The following HHIP variants were observed in gnomAD, a reference collection of about 807,000 sequenced individuals.
HHIP encodes hedgehog interacting protein, also known as hedgehog-interacting protein.
Under a neutral mutation model 74.0 loss-of-function variants are expected in HHIP, and 12 were observed. That is an observed-to-expected ratio of 0.16 (90% CI 0.10 to 0.26). The LOEUF (loss-of-function observed/expected upper bound fraction) is 0.26. HHIP is among the 10% of genes least tolerant of loss of function. The pLI is 1.00. For missense variants in HHIP, 788 were observed against 845.0 expected, an observed-to-expected ratio of 0.93 and a Z score of 0.84; for synonymous variants, 309 against 311.6, an observed-to-expected ratio of 0.99 and a Z score of 0.09.
At chr4:144,710,378 G>T (rs1428794129) in intron 7 of HHIP, among the ~76,000 whole-genome samples, 2 of 152,166 alleles carry the variant, frequency 1.3e-5, no homozygotes, top group African/African-American at 4.8e-5. Context: ...TAAAGGGACT[G>T]TTGCCACAGA....
chr4:144,671,040 C>T (rs533669679), intron 4 of HHIP, among the ~76,000 whole-genome samples: 6 of 152,144 alleles, frequency 3.9e-5, no homozygotes, highest in East Asian at 1.9e-4. Flanking sequence ...GCCTGTGACC[C>T]GAGGTTGAAA....
chr4:144,699,128 A>G (rs750571068), intron 4 of HHIP, among the ~76,000 whole-genome samples: 23 of 152,172 alleles, frequency 1.5e-4, no homozygotes, highest in Non-Finnish European at 5.9e-5. Context: ...GCTCAGCCCC[A>G]TAAGACTGCT....
At chr4:144,717,267 AT>A (rs1164332469) in intron 10 of HHIP, among the ~76,000 whole-genome samples, 3 of 152,166 alleles carry the variant, frequency 2.0e-5, no homozygotes, top group African/African-American at 7.2e-5. Context: ...TTTGCATATT[AT>A]TTTTTTAACT....
chr4:144,731,197 A>G lies in HHIP; in HGVS notation c.1761-3544A>G, dbSNP rs928812356. ...GCCCATATTTTCCTAATATCTTTAC[A>G]CAACAACATAGAAGGGGCACAAACA... On this transcript the variant is annotated intron_variant, in intron 11 of 12. Transcript: ENST00000296575. Among the ~76,000 whole-genome samples, 3 of 152,264 alleles carry G rather than the reference A, an allele frequency of 2.0e-5. No individual in the cohort carries two copies. The East Asian group carries it at 5.8e-4, about 29-fold the overall frequency.
chr4:144,740,203 A>T lies in HHIP; in HGVS notation c.*2246A>T, dbSNP rs1268129819. 1.3e-5 allele frequency: 2 copies of T among 152,210 alleles called. No homozygotes were observed. Among genetic ancestry groups the T allele is most frequent in the Non-Finnish European group, 2.9e-5 (2 of 68,030 alleles). The allele number at this position is 152,210 out of a possible 1,614,324, so 9.4% of individuals were successfully genotyped here. ...GCTATATATTCAGTAAAATCTAAAA[A>T]AATCAAGCATTACTTCTTACATCTT... On this transcript the variant is annotated 3_prime_UTR_variant, in exon 13 of 13. Transcript: ENST00000296575.
rs932675918 is a variant in HHIP, at chr4:144,738,911, C to T, written c.*954C>T. The T allele has an allele frequency of 1.9e-5, 3 of 154,500 alleles. No individual in the cohort carries two copies. Among genetic ancestry groups the T allele is most frequent in the South Asian group, 2.1e-4 (1 of 4,852 alleles). 9.6% of individuals were successfully genotyped at this position (154,500 alleles called of 1,614,324 possible). A position where few individuals can be genotyped will look rare whatever the true frequency, so the allele number is the denominator to read the frequency against. On this transcript the variant is annotated 3_prime_UTR_variant, in exon 13 of 13. Coordinates refer to ENST00000296575, the MANE Select transcript of HHIP (RefSeq NM_022475.3). ...ATGAAAAAGCAAGAAAACAGCCAAT[C>T]CTTATAAAATTCCAGCATTAAACAT... is the stretch of plus-strand genomic sequence containing the variant.
intron 8 of HHIP, 108 bp downstream of exon 8, chr4:144,712,179 T>G: frequency 2.1e-6 from 2 of 945,340 alleles, no homozygotes; most frequent in Non-Finnish European, 3.3e-6. Context: ...TGGGAAAGCA[T>G]AAAAACACTG....
chr4:144,676,153 A>C (rs1030114520), intron 4 of HHIP, among the ~76,000 whole-genome samples: 2 of 152,194 alleles, frequency 1.3e-5, no homozygotes, highest in African/African-American at 4.8e-5. Context: ...GAAAATATTA[A>C]ATTAATGACA....
At position 144,738,604 on chromosome 4, in the gene HHIP, C is replaced by A; in HGVS notation, c.*647C>A. ...GTGTTTTATAATTAAATCATAATAG[C>A]ATATTTTAAAATCAATCTTCCTAAA... On this transcript the variant is annotated 3_prime_UTR_variant, in exon 13 of 13. Transcript: ENST00000296575. 1.4e-6 allele frequency: 1 copy of A among 732,506 alleles called. No homozygotes were observed. Among genetic ancestry groups the A allele is most frequent in the Non-Finnish European group, 1.7e-6 (1 of 599,136 alleles). The allele number at this position is 732,506 out of a possible 1,614,324, so 45.4% of individuals were successfully genotyped here. A position where few individuals can be genotyped will look rare whatever the true frequency, so the allele number is the denominator to read the frequency against.
chr4:144,725,527 G>C (rs1315018191), intron 11 of HHIP, among the ~76,000 whole-genome samples: 1 of 152,122 alleles, frequency 6.6e-6, no homozygotes, highest in Non-Finnish European at 1.5e-5. Flanking sequence ...TAGATCTATT[G>C]CTTTATAAGT....
chr4:144,708,112 T>A, intron 6 of HHIP, 56 bp from the exon 7 acceptor site: 1 of 1,536,502 alleles, frequency 6.5e-7, no homozygotes, highest in East Asian at 2.3e-5. Context: ...ATATTTAATA[T>A]AGGTGAAATA....
At chr4:144,711,585 C>G (rs1578716631) in intron 7 of HHIP, among the ~76,000 whole-genome samples, 1 of 151,998 alleles carries the variant, frequency 6.6e-6, no homozygotes, top group Non-Finnish European at 1.5e-5. Context: ...TAAGAACAGG[C>G]GGTGTTTGGT....
At chr4:144,664,779 C>T (rs893369380) in intron 4 of HHIP, among the ~76,000 whole-genome samples, 13 of 152,268 alleles carry the variant, frequency 8.5e-5, no homozygotes, top group African/African-American at 3.1e-4. Context: ...TTAAATATTA[C>T]AATAGAAGAA....
At chr4:144,663,309 TTATACCCCAAAACAG>T (rs1270979870) in intron 4 of HHIP, among the ~76,000 whole-genome samples, 2 of 152,008 alleles carry the variant, frequency 1.3e-5, no homozygotes, top group African/African-American at 2.4e-5. Context: ...AAAAAACTTC[TTATACCCCAAAACAG>T]TCAGTCAGAA....
At chr4:144,682,074 A>T (rs1433692198) in intron 4 of HHIP, among the ~76,000 whole-genome samples, 1 of 152,158 alleles carries the variant, frequency 6.6e-6, no homozygotes, top group East Asian at 1.9e-4. Flanking sequence ...TAACAAGCCT[A>T]ATGTTTTGCT....
In HHIP at chr4:144,666,752, C is replaced by G. The variant is rs530491056; in HGVS notation, c.831+6914C>G. On this transcript the variant is annotated intron_variant, in intron 4 of 12. Transcript: ENST00000296575. ...GCATGCTCAGTGAGGAGGCTGAGAG[C>G]CCAGCATCTAGAGTCATGGATAGAC... Among the ~76,000 whole-genome samples the G allele has an allele frequency of 6.6e-5, 10 of 152,300 alleles. No homozygotes were observed. In the South Asian group the frequency reaches 1.2e-3, roughly 19 times the overall value.
intron 3 of HHIP, 121 bp downstream of exon 3, chr4:144,659,067 A>T (rs1461695242): frequency 1.4e-6 from 1 of 714,856 alleles, no homozygotes; most frequent in African/African-American, 1.8e-5. Context: ...CAGATGCTTT[A>T]GTTTTTTCTC....
At chr4:144,657,250 GA>G (rs933843458) in intron 2 of HHIP, among the ~76,000 whole-genome samples, 78 of 152,296 alleles carry the variant, frequency 5.1e-4, no homozygotes, top group African/African-American at 1.7e-3. Flanking sequence ...CAAGCACACA[GA>G]AAGTAAACTT....
chr4:144,678,600 T>C (rs1196504606), intron 4 of HHIP, among the ~76,000 whole-genome samples: 2 of 152,136 alleles, frequency 1.3e-5, no homozygotes, highest in African/African-American at 4.8e-5. Flanking sequence ...TGTCCACATG[T>C]TCTCATTCTT....
Sources: gnomAD v4.1 joint callset for allele counts (sites outside exome capture counted in the v4.1 genomes callset) on GRCh38, gnomAD v4.1.1 for gene constraint, MANE v1.5 for transcripts, NCBI Gene and HGNC (gene_info 2026-07-23, HGNC 2026-07-21) for gene names.